The following PTPRN2 variants were observed in gnomAD, a reference collection of about 807,000 sequenced individuals.
PTPRN2 encodes the protein protein tyrosine phosphatase receptor type N2.
In PTPRN2, 74 loss-of-function variants were observed where a neutral mutation model predicts 118.8. The observed-to-expected ratio is 0.62, with a 90% CI of 0.52 to 0.76. The LOEUF (loss-of-function observed/expected upper bound fraction) is 0.76. PTPRN2 is among the 30% of genes least tolerant of loss of function. The pLI, the probability that PTPRN2 is intolerant of heterozygous loss-of-function variation, is 0.00. For missense variants in PTPRN2, 1,481 were observed against 1,394.4 expected, an observed-to-expected ratio of 1.06 and a Z score of -0.99; for synonymous variants, 641 against 608.0, an observed-to-expected ratio of 1.05 and a Z score of -0.80.
chr7:157,576,941 CT>C (rs1362526687), intron 18 of PTPRN2, among the ~76,000 whole-genome samples, 162 bp from the exon 19 acceptor site: 1 of 152,240 alleles, frequency 6.6e-6, no homozygotes, highest in Non-Finnish European at 1.5e-5. Context: ...TCGCGGCCCC[CT>C]CCCACCTTCC....
chr7:157,844,158 C>A (rs1056350118), intron 12 of PTPRN2, among the ~76,000 whole-genome samples: 2 of 152,190 alleles, frequency 1.3e-5, no homozygotes, highest in African/African-American at 4.8e-5. Flanking sequence ...GGAACGCAGG[C>A]CTTTTGAACA....
At chr7:157,771,571 C>T (rs1400249220) in intron 12 of PTPRN2, among the ~76,000 whole-genome samples, 1 of 152,160 alleles carries the variant, frequency 6.6e-6, no homozygotes, top group Non-Finnish European at 1.5e-5. Context: ...CCTCAGGGAG[C>T]TTACAACTGA....
intron 17 of PTPRN2, among the ~76,000 whole-genome samples, chr7:157,582,892 CA>C: frequency 6.7e-6 from 1 of 149,920 alleles, no homozygotes; most frequent in Non-Finnish European, 1.5e-5. Flanking sequence ...AAAAACAAAA[CA>C]AAAAAAACAA....
At chr7:157,866,347 T>A (rs1414311502) in intron 12 of PTPRN2, among the ~76,000 whole-genome samples, 4 of 152,102 alleles carry the variant, frequency 2.6e-5, no homozygotes, top group Non-Finnish European at 4.4e-5. Flanking sequence ...TGCAGAGTTA[T>A]ATACATATAT....
At chr7:158,286,335 C>T (rs1464219730) in intron 3 of PTPRN2, among the ~76,000 whole-genome samples, 4 of 152,098 alleles carry the variant, frequency 2.6e-5, no homozygotes, top group Admixed American at 2.6e-4. Flanking sequence ...AATTTGGATG[C>T]CTTTTGTTTC....
At chr7:158,035,605 C>T (rs915474159) in intron 11 of PTPRN2, among the ~76,000 whole-genome samples, 4 of 152,206 alleles carry the variant, frequency 2.6e-5, no homozygotes, top group Admixed American at 6.5e-5. Flanking sequence ...GCCAACAACC[C>T]GTCCACAGGC....
At chr7:158,350,391 G>A (rs1807838049) in intron 2 of PTPRN2, among the ~76,000 whole-genome samples, 1 of 152,224 alleles carries the variant, frequency 6.6e-6, no homozygotes, top group Non-Finnish European at 1.5e-5. Context: ...GGAAGTGCAG[G>A]GAGGTTGGAA....
intron 2 of PTPRN2, among the ~76,000 whole-genome samples, chr7:158,338,465 A>G (rs1362227276): frequency 2.1e-5 from 1 of 46,566 alleles, no homozygotes; most frequent in African/African-American, 1.0e-4. Context: ...ATAAGAGGTG[A>G]CACATGCAGA....
chr7:157,785,500 C>T lies in PTPRN2; in HGVS notation c.1789-102563G>A, dbSNP rs1803977441. Among the ~76,000 whole-genome samples, 1 of 152,216 alleles carries T rather than the reference C, an allele frequency of 6.6e-6. No individual in the cohort carries two copies. The highest frequency in any genetic ancestry group is 2.4e-5 in the African/African-American group (1 of 41,460). The stretch of plus-strand genomic sequence containing the variant: ...CTAGAGCCAGCACTCGCGGGCAGGC[C>T]TCCCCAGGACCAGAGCGCCTGCGAC... On this transcript the variant is annotated intron_variant, in intron 12 of 22. Transcript: ENST00000389418. This position sits in a 1 kb window ranked among gnomAD's most constrained non-coding sequence, Gnocchi z 7.3.
chr7:158,072,686 G>A (rs10230260), intron 11 of PTPRN2, among the ~76,000 whole-genome samples: 33,545 of 152,058 alleles, frequency 0.22, 3,911 homozygotes, highest in South Asian at 0.36. Flanking sequence ...TCACCAAGGT[G>A]ACTCTGTGTT....
chr7:157,833,115 G>C (rs1057215690), intron 12 of PTPRN2, among the ~76,000 whole-genome samples: 1 of 151,046 alleles, frequency 6.6e-6, no homozygotes, highest in Non-Finnish European at 1.5e-5. Context: ...GTCCAGGAGC[G>C]AGATGTGGCT....
At chr7:158,374,614 C>T (rs974841625) in intron 2 of PTPRN2, among the ~76,000 whole-genome samples, 2 of 152,114 alleles carry the variant, frequency 1.3e-5, no homozygotes, top group African/African-American at 2.4e-5. Flanking sequence ...TGAAACATGG[C>T]GCATCCACTC....
At chr7:158,177,199 T>C (rs943534112) in intron 5 of PTPRN2, among the ~76,000 whole-genome samples, 1 of 152,322 alleles carries the variant, frequency 6.6e-6, no homozygotes, top group East Asian at 1.9e-4. Context: ...ACAGCTTGCA[T>C]TGCATTCCCC....
intron 3 of PTPRN2, among the ~76,000 whole-genome samples, chr7:158,271,930 G>A (rs1586074013): frequency 6.6e-6 from 1 of 152,164 alleles, no homozygotes. Context: ...CGTGGGGTAG[G>A]CGGACACAAA....
intron 5 of PTPRN2, among the ~76,000 whole-genome samples, chr7:158,184,114 T>C (rs1824944666): frequency 6.6e-6 from 1 of 152,172 alleles, no homozygotes; most frequent in African/African-American, 2.4e-5. Flanking sequence ...GTGTCTTCTT[T>C]TGAAGAAGAA....
intron 2 of PTPRN2, among the ~76,000 whole-genome samples, chr7:158,395,214 GGC>G (rs1812253714): frequency 6.6e-6 from 1 of 151,150 alleles, no homozygotes; most frequent in Non-Finnish European, 1.5e-5. Context: ...GCCGCTAGAT[GGC>G]ACGCAGGCGC....
At chr7:158,263,154 ACAGT>A (rs1233384285) in intron 3 of PTPRN2, among the ~76,000 whole-genome samples, 5 of 140,248 alleles carry the variant, frequency 3.6e-5, no homozygotes, top group South Asian at 2.2e-4. Context: ...CACACTGCAC[ACAGT>A]CACACATTCA....
intron 12 of PTPRN2, among the ~76,000 whole-genome samples, chr7:157,803,487 G>A (rs1414700054): frequency 1.3e-5 from 2 of 152,150 alleles, no homozygotes; most frequent in Admixed American, 6.5e-5. Context: ...TGCCTTTGGT[G>A]TCAGATCCAA....
At chr7:157,588,675 C>A (rs1016309763) in intron 17 of PTPRN2, among the ~76,000 whole-genome samples, 1 of 152,230 alleles carries the variant, frequency 6.6e-6, no homozygotes, top group African/African-American at 2.4e-5. Flanking sequence ...ACTCTGCACA[C>A]GTGTATTTTT....
Sources: gnomAD v4.1 joint callset for allele counts (sites outside exome capture counted in the v4.1 genomes callset) on GRCh38, gnomAD v4.1.1 for gene constraint, Gnocchi (gnomAD v3.1) non-coding constraint, MANE v1.5 for transcripts, NCBI Gene and HGNC (gene_info 2026-07-23, HGNC 2026-07-21) for gene names.